SEZ6L: variants seen among roughly 807,000 people sequenced by gnomAD.
The protein encoded by SEZ6L is seizure related 6 homolog like.
In SEZ6L, 37 loss-of-function variants were observed where a neutral mutation model predicts 106.2. The ratio of observed to expected loss-of-function variants is 0.35; its 90% CI spans 0.27 to 0.46. The LOEUF is 0.46. Among genes scored for constraint, SEZ6L ranks in the 20% least tolerant of loss-of-function variants. The pLI is 1.00. For missense variants in SEZ6L, 1,172 were observed against 1,332.8 expected (o/e 0.88, Z 1.88); for synonymous variants, 541 against 570.4 (o/e 0.95, Z 0.73).
chr22:26,179,125 C>T (rs1269508344), intron 1 of SEZ6L, among the ~76,000 whole-genome samples: 1 of 152,076 alleles, frequency 6.6e-6, no homozygotes, highest in African/African-American at 2.4e-5. Flanking sequence ...TGTGGAGACT[C>T]GTGCCTGTAA....
At chr22:26,177,302 AG>A (rs1421422791) in intron 1 of SEZ6L, among the ~76,000 whole-genome samples, 4 of 152,342 alleles carry the variant, frequency 2.6e-5, no homozygotes, top group African/African-American at 9.6e-5. Context: ...ACAAAAAAGG[AG>A]GAAGAGAAAG....
At position 26,291,989 on chromosome 22, in the gene SEZ6L, A is replaced by C. The variant is rs192327964; in HGVS notation, c.95-417A>C. The stretch of plus-strand genomic sequence containing the variant: ...AAGTCTTCAGGAAAAGGAAGGAAGG[A>C]AGGAAGGAAGGAAGGAAGGAAGGAA... On this transcript the variant is annotated intron_variant, in intron 1 of 16. Transcript: ENST00000248933. Among the ~76,000 whole-genome samples, 11 of 68,090 alleles carry C rather than the reference A, an allele frequency of 1.6e-4. No homozygotes were observed. The South Asian group carries it at 5.3e-3, about 33-fold the overall frequency. The allele number at this position is 68,090 out of a possible 152,430, so 44.7% of individuals were successfully genotyped here.
At chr22:26,303,859 C>T (rs996043647) in intron 5 of SEZ6L, among the ~76,000 whole-genome samples, 4 of 152,170 alleles carry the variant, frequency 2.6e-5, no homozygotes, top group African/African-American at 4.8e-5. Flanking sequence ...GGGAACCAAG[C>T]GTCCTGTGCT....
At chr22:26,215,366 C>T (rs1021663907) in intron 1 of SEZ6L, among the ~76,000 whole-genome samples, 3 of 152,154 alleles carry the variant, frequency 2.0e-5, no homozygotes, top group Middle Eastern at 6.3e-3. Flanking sequence ...TCTCAACCCT[C>T]ACCCCACCTC....
intron 5 of SEZ6L, among the ~76,000 whole-genome samples, chr22:26,304,421 A>G (rs1343702266): frequency 2.7e-5 from 4 of 150,370 alleles, no homozygotes; most frequent in Non-Finnish European, 5.9e-5. Context: ...AGAAAGAAAG[A>G]AAGAAAGAAA....
intron 1 of SEZ6L, among the ~76,000 whole-genome samples, chr22:26,170,327 T>G (rs964931403): frequency 6.6e-6 from 1 of 151,626 alleles, no homozygotes; most frequent in African/African-American, 2.4e-5. Flanking sequence ...CGGACTTGGG[T>G]GTGGCTTTCG....
Position 26,313,781 on chromosome 22 carries a change from C to A in SEZ6L, c.1894C>A (p.Leu632Ile), listed in dbSNP as rs746189586. The A allele has an allele frequency of 8.1e-6, 13 of 1,610,968 alleles. No individual in the cohort carries two copies. In the East Asian group the frequency reaches 2.9e-4, roughly 36 times the overall value. ...PLCRAMCGGELSAVAGVVLSP... is the reference protein window; with the variant it reads ...PLCRAMCGGEISAVAGVVLSP... ...TTTTACAGCCATGTGTGGTGGGGAG[C>A]TCTCTGCTGTGGCTGGGGTGGTATT... is the stretch of plus-strand genomic sequence containing the variant. The change falls in exon 9 of 17, where the codon CTC (leucine) becomes ATC (isoleucine). Residue 632 changes from leucine to isoleucine, a missense_variant. This residue lies in a region of SEZ6L where 534 missense variants were observed against 691.0 expected (regional missense o/e 0.77). Coordinates refer to ENST00000248933, the MANE Select transcript of SEZ6L (RefSeq NM_021115.5).
chr22:26,169,987 G>A (rs1938469058), intron 1 of SEZ6L, among the ~76,000 whole-genome samples: 2 of 152,146 alleles, frequency 1.3e-5, no homozygotes, highest in African/African-American at 4.8e-5. Flanking sequence ...CCCTGCTTCG[G>A]CTGCGGGCTC....
chr22:26,222,483 A>G (rs546195896), intron 1 of SEZ6L, among the ~76,000 whole-genome samples: 1 of 152,322 alleles, frequency 6.6e-6, no homozygotes, highest in African/African-American at 2.4e-5. Context: ...GGAAGAGGTG[A>G]CCAGCATTAT....
At chr22:26,235,768 A>G (rs911726301) in intron 1 of SEZ6L, among the ~76,000 whole-genome samples, 3 of 152,220 alleles carry the variant, frequency 2.0e-5, no homozygotes, top group African/African-American at 4.8e-5. Flanking sequence ...TGGATCTCCA[A>G]GGAGGACAGA....
At chr22:26,299,791 A>G (rs567758631) in intron 5 of SEZ6L, among the ~76,000 whole-genome samples, 2 of 152,344 alleles carry the variant, frequency 1.3e-5, no homozygotes, top group African/African-American at 2.4e-5. Context: ...GAACATTTGT[A>G]TGCCAGTTTT....
intron 1 of SEZ6L, among the ~76,000 whole-genome samples, chr22:26,233,860 G>A (rs2078876469): frequency 6.6e-6 from 1 of 152,142 alleles, no homozygotes; most frequent in African/African-American, 2.4e-5. Context: ...CATTTGAGCT[G>A]GGGCCTGGGC....
intron 1 of SEZ6L, among the ~76,000 whole-genome samples, chr22:26,230,676 G>A (rs566687636): frequency 2.0e-4 from 31 of 152,346 alleles, no homozygotes; most frequent in Middle Eastern, 3.4e-3. Flanking sequence ...GCCAGATGAG[G>A]CTTCAGTGAG....
intron 3 of SEZ6L, among the ~76,000 whole-genome samples, chr22:26,296,142 C>T (rs1484954419): frequency 6.6e-6 from 1 of 152,112 alleles, no homozygotes. Context: ...GCGCACATAC[C>T]ATTTGTTCAG....
chr22:26,362,047 G>A (rs1257454707), intron 12 of SEZ6L, among the ~76,000 whole-genome samples: 3 of 151,562 alleles, frequency 2.0e-5, no homozygotes, highest in Non-Finnish European at 2.9e-5. Flanking sequence ...ATACATCAAA[G>A]CACAGGCTTT....
chr22:26,350,225 TATA>T (rs2083229711), intron 11 of SEZ6L, among the ~76,000 whole-genome samples: 1 of 149,802 alleles, frequency 6.7e-6, no homozygotes, highest in South Asian at 2.1e-4. Flanking sequence ...TATATATATA[TATA>T]TTTATATGTA....
intron 12 of SEZ6L, among the ~76,000 whole-genome samples, chr22:26,356,153 C>G (rs1012236751): frequency 6.6e-6 from 1 of 152,166 alleles, no homozygotes; most frequent in African/African-American, 2.4e-5. Flanking sequence ...CTCATGACAC[C>G]CTTGGTGTCT....
intron 1 of SEZ6L, among the ~76,000 whole-genome samples, chr22:26,192,702 T>C (rs2145659515): frequency 6.6e-6 from 1 of 152,340 alleles, no homozygotes. Flanking sequence ...CTTAAAAAGC[T>C]TGTAGGCCTC....
At chr22:26,229,617 T>A (rs948820870) in intron 1 of SEZ6L, among the ~76,000 whole-genome samples, 1 of 152,180 alleles carries the variant, frequency 6.6e-6, no homozygotes, top group Non-Finnish European at 1.5e-5. Context: ...GTGTGTAGCC[T>A]GAGGTCCTTA....
Sources: allele counts gnomAD v4.1 joint callset (sites outside exome capture counted in the v4.1 genomes callset), GRCh38; gene constraint gnomAD v4.1.1; regional missense constraint gnomAD v4.1.1; transcripts MANE v1.5; gene names NCBI Gene and HGNC (gene_info 2026-07-23, HGNC 2026-07-21).